Variants in SUPT6H observed in about 807,000 individuals in gnomAD.
The protein encoded by SUPT6H is SPT6 homolog, histone chaperone and transcription elongation factor.
In SUPT6H, 11 loss-of-function variants were observed where a neutral mutation model predicts 222.3. That is an observed-to-expected ratio of 0.05 (90% CI 0.03 to 0.08). The LOEUF is 0.08. Among genes scored for constraint, SUPT6H ranks in the 10% least tolerant of loss-of-function variants. The probability of loss-of-function intolerance (pLI) is 1.00; values close to 1 mark genes in which losing one functional copy is unlikely to be tolerated. For synonymous variants in SUPT6H, 762 were observed against 801.2 expected, an observed-to-expected ratio of 0.95 and a Z score of 0.83; for missense variants, 1,422 against 2,216.0, an observed-to-expected ratio of 0.64 and a Z score of 7.19.
Position 28,688,444 on chromosome 17 carries a change from T to A in SUPT6H, c.3134+226T>A. On this transcript the variant is annotated intron_variant, in intron 24 of 36. Transcript: ENST00000314616. This position sits in a 1 kb window ranked among gnomAD's most constrained non-coding sequence, Gnocchi z 4.3. ...GAGAGAAACATAAAAAGTACCAGCTTAGCTTATAAATTAAGCATGGAAAAC... is the reference window on the plus strand; with the variant it reads ...GAGAGAAACATAAAAAGTACCAGCTAAGCTTATAAATTAAGCATGGAAAAC... The A allele has an allele frequency of 2.7e-6, 1 of 374,846 alleles. No individual in the cohort carries two copies. Among genetic ancestry groups the A allele is most frequent in the Non-Finnish European group, 4.6e-6 (1 of 219,604 alleles). The allele number at this position is 374,846 out of a possible 1,614,324, so 23.2% of individuals were successfully genotyped here. A position where few individuals can be genotyped will look rare whatever the true frequency, so the allele number is the denominator to read the frequency against.
Position 28,697,671 on chromosome 17 carries a change from T to G in SUPT6H, c.4261T>G (p.Ser1421Ala), listed in dbSNP as rs746830145. The G allele has an allele frequency of 7.4e-6, 12 of 1,614,122 alleles. No individual in the cohort carries two copies. In the Admixed American group the frequency reaches 1.5e-4, roughly 20 times the overall value. ...TGCTCGCTATGTCCAGCCCATGGCA[T>G]CCTTTGCCCGGGACCTTCTGAATCA... ...IVARYVQPMA[S>A]FARDLLNHKY... Residue 1421 changes from serine to alanine, a missense_variant, in exon 31 of 37, where the codon TCC becomes GCC. Around this residue, in one of 13 missense-constraint regions of SUPT6H, gnomAD observed 395 missense variants for 580.6 expected, o/e 0.68. Coordinates refer to ENST00000314616, the MANE Select transcript of SUPT6H (RefSeq NM_003170.5).
In SUPT6H at chr17:28,697,689, C is replaced by G. The variant is rs772287602; in HGVS notation, c.4279C>G (p.Leu1427Val). Reference sequence around the variant, plus strand: ...CATGGCATCCTTTGCCCGGGACCTTCTGAATCACAAGTATTATCAGGACTG... The same window carrying G: ...CATGGCATCCTTTGCCCGGGACCTTGTGAATCACAAGTATTATCAGGACTG... Reference protein sequence around the residue: ...QPMASFARDLLNHKYYQDCSG... With the variant: ...QPMASFARDLVNHKYYQDCSG... Residue 1427 changes from leucine (L) to valine (V), a missense_variant, in exon 31 of 37, where the codon CTG becomes GTG. Physicochemically the swap from Leu to Val is conservative, Grantham distance 32. Coordinates refer to ENST00000314616, the MANE Select transcript of SUPT6H (RefSeq NM_003170.5). The G allele has an allele frequency of 2.5e-5, 40 of 1,614,128 alleles. No homozygotes were observed. The highest frequency in any genetic ancestry group is 3.2e-5 in the Non-Finnish European group (38 of 1,180,056).
intron 19 of SUPT6H, 137 bp downstream of exon 19, chr17:28,685,098 G>A (rs765080058): frequency 7.4e-5 from 61 of 828,516 alleles, no homozygotes; most frequent in African/African-American, 1.4e-4. Flanking sequence ...TTGTCCCCTG[G>A]GATGCCTCAC....
intron 6 of SUPT6H, 90 bp from the exon 7 acceptor site, chr17:28,676,067 C>A: frequency 7.0e-7 from 1 of 1,430,526 alleles, no homozygotes; most frequent in Non-Finnish European, 9.4e-7. Flanking sequence ...CCTCTCAGTT[C>A]CCTTGGGACA....
chr17:28,666,514 C>G (rs1379163458), intron 1 of SUPT6H, among the ~76,000 whole-genome samples: 2 of 151,606 alleles, frequency 1.3e-5, no homozygotes, highest in Non-Finnish European at 2.9e-5. Context: ...AGCCCTTACC[C>G]TGTTTCTCTA....
rs780777122 is a variant in SUPT6H at position 28,700,923 on chromosome 17, C to G, written c.4807-18C>G. 1 of 1,597,784 alleles carries G rather than the reference C, an allele frequency of 6.3e-7. No individual in the cohort carries two copies. The highest frequency in any genetic ancestry group is 8.6e-7 in the Non-Finnish European group (1 of 1,167,674). On this transcript the variant is annotated intron_variant, in intron 35 of 36. Coordinates refer to ENST00000314616, the MANE Select transcript of SUPT6H (RefSeq NM_003170.5). ...AAGCCCCACACCCATCCCTATTTAACTGTTCATGCCTCTCCAGGTATTCCC... is the reference window on the plus strand; with the variant it reads ...AAGCCCCACACCCATCCCTATTTAAGTGTTCATGCCTCTCCAGGTATTCCC...
At chr17:28,693,885 G>T (rs552228059) in intron 28 of SUPT6H, 49 bp downstream of exon 28, 1 of 1,612,312 alleles carries the variant, frequency 6.2e-7, no homozygotes, top group Admixed American at 1.7e-5. Flanking sequence ...CAGCTGCCCA[G>T]ATCAGGTCTC....
chr17:28,690,601 C>T (rs1312308452), intron 26 of SUPT6H, among the ~76,000 whole-genome samples: 20 of 152,082 alleles, frequency 1.3e-4, no homozygotes. Context: ...ATGGTGAAAC[C>T]CCATCTCCAC....
intron 1 of SUPT6H, among the ~76,000 whole-genome samples, chr17:28,671,803 A>G (rs1220655939): frequency 6.6e-6 from 1 of 152,216 alleles, no homozygotes; most frequent in African/African-American, 2.4e-5. Context: ...ATGTCATGTA[A>G]TATTCTCAAC....
At chr17:28,701,397 C>T in intron 36 of SUPT6H, 42 bp from the exon 37 acceptor site, 4 of 1,596,122 alleles carry the variant, frequency 2.5e-6, no homozygotes, top group Non-Finnish European at 3.4e-6. Context: ...GGAAGACTTC[C>T]TTCTAGCAAA....
At position 28,696,854 on chromosome 17, in the gene SUPT6H, G is replaced by A. The variant is rs746616984; in HGVS notation, c.3981G>A (p.Lys1327=). Residue 1327 remains lysine (K), a synonymous_variant, in exon 30 of 37, where the codon AAG becomes AAA. Coordinates refer to ENST00000314616, the MANE Select transcript of SUPT6H (RefSeq NM_003170.5). The part of the protein sequence containing the change: ...KRKQQRTTYI[K]RVIAHPSFHN... ...TTCTGCCCTTTTCAGCATACATCAA[G>A]AGAGTGATCGCACACCCATCCTTCC... 6 of 1,613,954 alleles carry A rather than the reference G, an allele frequency of 3.7e-6. No individual in the cohort carries two copies. The Admixed American group carries it at 1.0e-4, about 27-fold the overall frequency.
intron 1 of SUPT6H, among the ~76,000 whole-genome samples, chr17:28,665,134 C>T (rs1345463206): frequency 1.3e-5 from 2 of 152,144 alleles, no homozygotes; most frequent in African/African-American, 4.8e-5. Context: ...GCCTTTACGC[C>T]CTGCTTGAGC....
At position 28,666,226 on chromosome 17, in the gene SUPT6H, T is replaced by C. The variant is rs1208069879; in HGVS notation, c.-32+3884T>C. ...CAGGTTAGGTTGTCTTATTACAGGATCCCATGCTATTCTTATCATCAATTC... is the reference window on the plus strand; with the variant it reads ...CAGGTTAGGTTGTCTTATTACAGGACCCCATGCTATTCTTATCATCAATTC... On this transcript the variant is annotated intron_variant, in intron 1 of 36. Coordinates refer to ENST00000314616, the MANE Select transcript of SUPT6H (RefSeq NM_003170.5). Among the ~76,000 whole-genome samples the C allele has an allele frequency of 2.0e-5, 3 of 152,338 alleles. No homozygotes were observed. In the East Asian group the frequency reaches 5.8e-4, roughly 29 times the overall value.
At chr17:28,700,013 T>TGAGTAGG in intron 33 of SUPT6H, 120 bp downstream of exon 33, 1 of 1,377,000 alleles carries the variant, frequency 7.3e-7, no homozygotes, top group South Asian at 1.2e-5. Context: ...GCTGTCTTAC[T>TGAGTAGG]CCTCCTGCAG....
rs1332289550 is a variant in SUPT6H at position 28,686,779 on chromosome 17, A to G, written c.2690A>G (p.Lys897Arg). ...NELAILYMNS[K>R]KSEAEFRDYP... is the part of the protein sequence containing the mutation. Reference sequence around the variant, plus strand: ...TTGGCCATTCTCTATATGAACAGCAAGAAGTCAGAGGTAATGCTGGAGCCT... The same window carrying G: ...TTGGCCATTCTCTATATGAACAGCAGGAAGTCAGAGGTAATGCTGGAGCCT... Residue 897 changes from lysine (K) to arginine (R), a missense_variant, in exon 21 of 37, where the codon AAG (lysine) becomes AGG (arginine). By Grantham distance (26) the Lys-to-Arg change is conservative. Around this residue, in one of 13 missense-constraint regions of SUPT6H, gnomAD observed 294 missense variants for 382.1 expected, o/e 0.77. Transcript: ENST00000314616. The G allele has an allele frequency of 2.1e-5, 33 of 1,604,940 alleles. No individual in the cohort carries two copies. Among genetic ancestry groups the G allele is most frequent in the Non-Finnish European group, 2.8e-5 (33 of 1,176,444 alleles).
intron 1 of SUPT6H, among the ~76,000 whole-genome samples, chr17:28,664,754 T>A (rs1225290356): frequency 6.6e-6 from 1 of 152,188 alleles, no homozygotes; most frequent in Non-Finnish European, 1.5e-5. Flanking sequence ...AAAGTTTTGG[T>A]TTTCTCATCA....
intron 15 of SUPT6H, 61 bp from the exon 16 acceptor site, chr17:28,683,207 T>C (rs183667950): frequency 6.3e-7 from 1 of 1,586,396 alleles, no homozygotes; most frequent in African/African-American, 1.4e-5. Flanking sequence ...AAGGCTGTCT[T>C]TTCTCCTGGG....
At chr17:28,677,916 A>G in intron 8 of SUPT6H, 100 bp downstream of exon 8, 2 of 1,327,552 alleles carry the variant, frequency 1.5e-6, no homozygotes, top group Non-Finnish European at 2.2e-6. Context: ...TGTGCCTGGT[A>G]TTAGAAAACT....
chr17:28,676,544 A>C, intron 7 of SUPT6H, 114 bp downstream of exon 7: 44 of 1,489,310 alleles, frequency 3.0e-5, no homozygotes, highest in Non-Finnish European at 3.6e-5. Context: ...ACCTCATCTC[A>C]CCTGGGGCCT....
Sources: allele counts gnomAD v4.1 joint callset (sites outside exome capture counted in the v4.1 genomes callset), GRCh38; gene constraint gnomAD v4.1.1; regional missense constraint gnomAD v4.1.1; non-coding constraint Gnocchi (gnomAD v3.1); transcripts MANE v1.5; gene names NCBI Gene and HGNC (gene_info 2026-07-23, HGNC 2026-07-21).